Variants in CAMK2A observed in about 807,000 individuals in gnomAD.
CAMK2A encodes the protein calcium/calmodulin-dependent protein kinase type II subunit alpha.
Under a neutral mutation model 79.2 loss-of-function variants are expected in CAMK2A, and 7 were observed. That is an observed-to-expected ratio of 0.09 (90% CI 0.05 to 0.17). The LOEUF is 0.17. Ranked by LOEUF, CAMK2A falls within the 10% of genes least tolerant of loss-of-function variation. The pLI is 1.00. For synonymous variants in CAMK2A, 242 were observed against 251.7 expected (o/e 0.96, Z 0.36); for missense variants, 214 against 646.4 (o/e 0.33, Z 7.25).
In CAMK2A at chr5:150,223,347, C is replaced by T. The variant is rs1754436508; in HGVS notation, c.1238-130G>A. 2 of 708,602 alleles carry T rather than the reference C, an allele frequency of 2.8e-6. No homozygotes were observed. The highest frequency in any genetic ancestry group is 4.8e-6 in the Non-Finnish European group (2 of 419,260). The allele number at this position is 708,602 out of a possible 1,614,324, so 43.9% of individuals were successfully genotyped here. On this transcript the variant is annotated intron_variant, in intron 17 of 18. Coordinates refer to ENST00000671881, the MANE Select transcript of CAMK2A (RefSeq NM_015981.4). This position sits in a 1 kb window ranked among gnomAD's most constrained non-coding sequence, Gnocchi z 4.1. ...GCCTGACTCATTTGCAGGGAAGGGG[C>T]CTGTGTGGCAGGACTCAGCTACCTG...
intron 16 of CAMK2A, among the ~76,000 whole-genome samples, chr5:150,229,853 A>C (rs1754765047): frequency 6.6e-6 from 1 of 152,110 alleles, no homozygotes; most frequent in Non-Finnish European, 1.5e-5. Flanking sequence ...CTCCTTGTGC[A>C]CAGTTTTAAA....
intron 4 of CAMK2A, among the ~76,000 whole-genome samples, 197 bp from the exon 5 acceptor site, chr5:150,257,028 G>A (rs948161719): frequency 3.3e-5 from 5 of 152,108 alleles, no homozygotes; most frequent in Non-Finnish European, 5.9e-5. Flanking sequence ...ATTGACTCCA[G>A]TCCCCTCTCC....
chr5:150,253,360 C>T, intron 7 of CAMK2A, 84 bp downstream of exon 7: 3 of 1,133,122 alleles, frequency 2.6e-6, no homozygotes, highest in Admixed American at 1.7e-5. Context: ...GCCATACCCA[C>T]TCAGGCAGGG....
intron 3 of CAMK2A, 39 bp from the exon 4 acceptor site, chr5:150,257,656 A>C: frequency 6.6e-7 from 1 of 1,511,740 alleles, no homozygotes; most frequent in Non-Finnish European, 9.0e-7. Flanking sequence ...AGTGGGACAC[A>C]CTGCTGCACA....
chr5:150,231,446 T>G, intron 15 of CAMK2A, 66 bp from the exon 16 acceptor site: 1 of 692,460 alleles, frequency 1.4e-6, no homozygotes, highest in Non-Finnish European at 2.1e-6. Flanking sequence ...ATAATAATAG[T>G]GATGGTAATG....
chr5:150,245,166 C>T lies in CAMK2A; in HGVS notation c.979G>A (p.Val327Met). ...KSGGNKKSDG[V>M]KKRKSSSSVQ... ...AGGCTCCTGGAGGGGCTTACCTTCACACCATCGCTCTTCTTGTTTCCCCCA... is the reference window on the plus strand; with the variant it reads ...AGGCTCCTGGAGGGGCTTACCTTCATACCATCGCTCTTCTTGTTTCCCCCA... Residue 327 changes from valine to methionine, a missense_variant, in exon 13 of 19, where the codon GTG becomes ATG. By Grantham distance (21) the Val-to-Met change is conservative. Around this residue, in one of 4 missense-constraint regions of CAMK2A, gnomAD observed 123 missense variants for 242.4 expected, o/e 0.51. Coordinates refer to ENST00000671881, the MANE Select transcript of CAMK2A (RefSeq NM_015981.4). 6.2e-7 allele frequency: 1 copy of T among 1,614,030 alleles called. No homozygotes were observed. The highest frequency in any genetic ancestry group is 8.5e-7 in the Non-Finnish European group (1 of 1,179,950).
rs1754317361 is a variant in CAMK2A at position 150,221,719 on chromosome 5, C to T, written c.*991G>A. The T allele has an allele frequency of 2.5e-6, 1 of 393,348 alleles. No homozygotes were observed. The highest frequency in any genetic ancestry group is 4.5e-6 in the Non-Finnish European group (1 of 224,666). The allele number at this position is 393,348 out of a possible 1,614,324, so 24.4% of individuals were successfully genotyped here. Reference sequence around the variant, plus strand: ...CTGAGTCCACCTTGGCCCCAATAACCACAGGTGACAAGGTCCACCTCAGAG... The same window carrying T: ...CTGAGTCCACCTTGGCCCCAATAACTACAGGTGACAAGGTCCACCTCAGAG... On this transcript the variant is annotated 3_prime_UTR_variant, in exon 19 of 19. Transcript: ENST00000671881.
intron 13 of CAMK2A, among the ~76,000 whole-genome samples, chr5:150,241,467 C>G (rs1181302376): frequency 2.9e-5 from 4 of 136,062 alleles, no homozygotes; most frequent in Non-Finnish European, 6.4e-5. Context: ...TTCCCTCGCC[C>G]TCCCCTCTCC....
chr5:150,282,133 C>T (rs764105514), intron 1 of CAMK2A, among the ~76,000 whole-genome samples: 6 of 152,108 alleles, frequency 3.9e-5, no homozygotes, highest in Non-Finnish European at 7.3e-5. Flanking sequence ...TCCTCTCGAC[C>T]GCCTGAGGCT....
intron 4 of CAMK2A, 92 bp downstream of exon 4, chr5:150,257,471 A>G: frequency 8.8e-7 from 1 of 1,130,432 alleles, no homozygotes; most frequent in South Asian, 1.3e-5. Context: ...CTGGACCACA[A>G]GAGGGAATTC....
rs755724600 is a variant in CAMK2A at position 150,289,635 on chromosome 5, G to A, written c.-10C>T. 18 of 1,612,538 alleles carry A rather than the reference G, an allele frequency of 1.1e-5. No homozygotes were observed. The highest frequency in any genetic ancestry group is 1.3e-5 in the Non-Finnish European group (15 of 1,179,014). On this transcript the variant is annotated 5_prime_UTR_variant, in exon 1 of 19. Coordinates refer to ENST00000671881, the MANE Select transcript of CAMK2A (RefSeq NM_015981.4). ...AGGTGATGGTGGCCATCCTGGCGCTGGGCAGGCAGGTGAGGCTTGGGACTG... is the reference window on the plus strand; with the variant it reads ...AGGTGATGGTGGCCATCCTGGCGCTAGGCAGGCAGGTGAGGCTTGGGACTG...
At chr5:150,253,402 G>C (rs765438656) in intron 7 of CAMK2A, 42 bp downstream of exon 7, 1 of 1,459,776 alleles carries the variant, frequency 6.9e-7, no homozygotes, top group Non-Finnish European at 9.6e-7. Context: ...CAACACAAAT[G>C]GGTGCTGACC....
chr5:150,222,934 G>C (rs888617802), intron 18 of CAMK2A, 55 bp downstream of exon 18: 18 of 1,549,186 alleles, frequency 1.2e-5, no homozygotes, highest in Non-Finnish European at 1.6e-5. Flanking sequence ...CCCCCTCCAG[G>C]GCAACACTCC....
At chr5:150,262,081 G>C (rs923655424) in intron 3 of CAMK2A, among the ~76,000 whole-genome samples, 2 of 152,140 alleles carry the variant, frequency 1.3e-5, no homozygotes, top group Non-Finnish European at 2.9e-5. Context: ...GCAGGTTACC[G>C]ACCTCTCCCA....
At chr5:150,283,838 T>C (rs1286035862) in intron 1 of CAMK2A, among the ~76,000 whole-genome samples, 1 of 152,110 alleles carries the variant, frequency 6.6e-6, no homozygotes, top group Non-Finnish European at 1.5e-5. Flanking sequence ...AGGAAATACC[T>C]GTTGAAAGGA....
chr5:150,226,126 T>C (rs1754588766), intron 17 of CAMK2A, among the ~76,000 whole-genome samples: 1 of 152,200 alleles, frequency 6.6e-6, no homozygotes, highest in Non-Finnish European at 1.5e-5. Flanking sequence ...TTCACAACTT[T>C]TTGGAGGGTG....
At chr5:150,244,657 C>T (rs1755482831) in intron 13 of CAMK2A, among the ~76,000 whole-genome samples, 1 of 152,098 alleles carries the variant, frequency 6.6e-6, no homozygotes, top group Admixed American at 6.5e-5. Context: ...CACCAGCAAG[C>T]CTTGCCGGGA....
chr5:150,255,099 C>T (rs75154515), intron 6 of CAMK2A, among the ~76,000 whole-genome samples: 2 of 152,194 alleles, frequency 1.3e-5, no homozygotes, highest in African/African-American at 4.8e-5. Flanking sequence ...TCTCGGTAAC[C>T]GTCCTGCCCT....
At chr5:150,272,243 A>T (rs1273614290) in intron 2 of CAMK2A, among the ~76,000 whole-genome samples, 2 of 152,140 alleles carry the variant, frequency 1.3e-5, no homozygotes, top group Non-Finnish European at 2.9e-5. Flanking sequence ...GGTCAGGGAA[A>T]GCCATAAAGG....
Sources: gnomAD v4.1 joint callset for allele counts (sites outside exome capture counted in the v4.1 genomes callset) on GRCh38, gnomAD v4.1.1 for gene constraint, gnomAD v4.1.1 regional missense constraint, Gnocchi (gnomAD v3.1) non-coding constraint, MANE v1.5 for transcripts, NCBI Gene and HGNC (gene_info 2026-07-23, HGNC 2026-07-21) for gene names.